The following CEP85L variants were observed in gnomAD, a reference collection of about 807,000 sequenced individuals.
CEP85L encodes centrosomal protein of 85 kDa-like.
Under a neutral mutation model 100.3 loss-of-function variants are expected in CEP85L, and 60 were observed. That is an observed-to-expected ratio of 0.60 (90% CI 0.49 to 0.74). The LOEUF is 0.74. Among genes scored for constraint, CEP85L ranks in the 30% least tolerant of loss-of-function variants. CEP85L has a pLI of 0.00. For synonymous variants in CEP85L, 319 were observed against 322.7 expected (o/e 0.99, Z 0.12); for missense variants, 973 against 936.2 (o/e 1.04, Z -0.51).
At chr6:118,613,126 C>T (rs1313661115) in intron 2 of CEP85L, among the ~76,000 whole-genome samples, 2 of 151,996 alleles carry the variant, frequency 1.3e-5, no homozygotes, top group African/African-American at 4.8e-5. Context: ...GCAAGAGAAT[C>T]GCTTAACCCG....
intron 5 of CEP85L, among the ~76,000 whole-genome samples, chr6:118,505,455 CTACTATAATACAAATA>C (rs1775594143): frequency 7.7e-6 from 1 of 130,676 alleles, no homozygotes; most frequent in Admixed American, 7.5e-5. Flanking sequence ...ACAGATGCTT[CTACTATAATACAAATA>C]TATGCATTCC....
intron 2 of CEP85L, among the ~76,000 whole-genome samples, chr6:118,623,343 T>C (rs1773575709): frequency 6.6e-6 from 1 of 152,312 alleles, no homozygotes; most frequent in Admixed American, 6.5e-5. Context: ...TTGATACCTT[T>C]ACAAAGTGGG....
chr6:118,549,119 T>G (rs1470169978), intron 3 of CEP85L, among the ~76,000 whole-genome samples: 2 of 151,954 alleles, frequency 1.3e-5, no homozygotes, highest in Non-Finnish European at 2.9e-5. Context: ...AATCTGACGT[T>G]AGAGAATAAT....
chr6:118,588,520 AAAATCTACAGGTACTTAAAGATC>A (rs1221483340), intron 2 of CEP85L, among the ~76,000 whole-genome samples: 6 of 152,198 alleles, frequency 3.9e-5, no homozygotes, highest in Non-Finnish European at 8.8e-5. Context: ...TAGATTAAGG[AAAATCTACAGGTACTTAAAGATC>A]AAATCAAAAT....
chr6:118,519,739 C>G (rs747105763), intron 4 of CEP85L, among the ~76,000 whole-genome samples: 1 of 151,916 alleles, frequency 6.6e-6, no homozygotes, highest in Non-Finnish European at 1.5e-5. Flanking sequence ...GGAGTCTTCA[C>G]TGAAGAATTC....
At chr6:118,618,467 C>T (rs1013606112) in intron 2 of CEP85L, among the ~76,000 whole-genome samples, 1 of 152,160 alleles carries the variant, frequency 6.6e-6, no homozygotes, top group Non-Finnish European at 1.5e-5. Context: ...CTGTAATTTT[C>T]ATGTGGATGG....
At chr6:118,667,304 G>C (rs1381611033) in intron 1 of CEP85L, among the ~76,000 whole-genome samples, 21 of 152,130 alleles carry the variant, frequency 1.4e-4, no homozygotes, top group Non-Finnish European at 2.2e-4. Context: ...TATAGAACTT[G>C]CTTTGATTTT....
At chr6:118,618,036 G>A (rs116358628) in intron 2 of CEP85L, among the ~76,000 whole-genome samples, 2 of 152,120 alleles carry the variant, frequency 1.3e-5, no homozygotes, top group Non-Finnish European at 2.9e-5. Context: ...TGGGAGCACT[G>A]GTTTGCCCGG....
chr6:118,599,075 C>T (rs2115162809), intron 2 of CEP85L, among the ~76,000 whole-genome samples: 1 of 152,276 alleles, frequency 6.6e-6, no homozygotes, highest in South Asian at 2.1e-4. Flanking sequence ...TACATACCTG[C>T]ATAACCTAGC....
At chr6:118,502,890 T>C (rs1339842645) in intron 5 of CEP85L, 10 of 528,374 alleles carry the variant, frequency 1.9e-5, no homozygotes, top group East Asian at 3.5e-5. Context: ...ACAGAAGATC[T>C]TGAAGAACCT....
chr6:118,604,688 G>A (rs556120126), intron 2 of CEP85L, among the ~76,000 whole-genome samples: 1 of 152,264 alleles, frequency 6.6e-6, no homozygotes, highest in Non-Finnish European at 1.5e-5. Flanking sequence ...AGCATAGCTA[G>A]GGGGCATGGC....
At chr6:118,528,856 C>G (rs1777123162) in intron 3 of CEP85L, among the ~76,000 whole-genome samples, 1 of 152,104 alleles carries the variant, frequency 6.6e-6, no homozygotes, top group African/African-American at 2.4e-5. Flanking sequence ...TCTCAAACAG[C>G]AAGGCAACTA....
Position 118,540,164 on chromosome 6 carries a change from A to G in CEP85L, c.1021-16244T>C, listed in dbSNP as rs533038666. 2.6e-5 allele frequency among the ~76,000 whole-genome samples: 4 copies of G among 152,160 alleles called. No individual in the cohort carries two copies. In the South Asian group the frequency reaches 8.3e-4, roughly 32 times the overall value. On this transcript the variant is annotated intron_variant, in intron 3 of 12. Coordinates refer to ENST00000368491, the MANE Select transcript of CEP85L (RefSeq NM_001042475.3). ...ACCCTAGGGATATTTATCAGCCTTG[A>G]AAAAAATCCAAAAGTATTTCCAACA...
chr6:118,478,662 A>G (rs972213723), intron 10 of CEP85L, among the ~76,000 whole-genome samples: 3 of 152,184 alleles, frequency 2.0e-5, no homozygotes, highest in African/African-American at 7.2e-5. Context: ...TTCTCTACAT[A>G]GTTTGAATAA....
intron 2 of CEP85L, among the ~76,000 whole-genome samples, chr6:118,628,230 G>C (rs1033566121): frequency 4.6e-5 from 7 of 152,092 alleles, no homozygotes; most frequent in Non-Finnish European, 8.8e-5. Context: ...ACTCAAACAC[G>C]GCAGGGATAT....
intron 2 of CEP85L, among the ~76,000 whole-genome samples, chr6:118,583,191 G>A (rs1460530765): frequency 1.3e-5 from 2 of 152,140 alleles, no homozygotes; most frequent in South Asian, 2.1e-4. Flanking sequence ...CAGGACTGAC[G>A]GGTCCCGAGG....
chr6:118,501,508 C>G, intron 5 of CEP85L: 1 of 472,552 alleles, frequency 2.1e-6, no homozygotes, highest in South Asian at 1.6e-5. Flanking sequence ...TTGCTCCTGG[C>G]TACTCCATCA....
intron 5 of CEP85L, chr6:118,501,824 GA>G: frequency 3.1e-6 from 4 of 1,290,426 alleles, no homozygotes; most frequent in Non-Finnish European, 4.5e-6. Flanking sequence ...GAGAGAGAGA[GA>G]GAGAGAGGAC....
At chr6:118,501,565 G>C (rs1775304503) in intron 5 of CEP85L, 1 of 524,534 alleles carries the variant, frequency 1.9e-6, no homozygotes, top group African/African-American at 1.9e-5. Context: ...AAGAGATCAA[G>C]AACAGTGAAG....
Sources: allele counts gnomAD v4.1 joint callset (sites outside exome capture counted in the v4.1 genomes callset), GRCh38; gene constraint gnomAD v4.1.1; transcripts MANE v1.5; gene names NCBI Gene and HGNC (gene_info 2026-07-23, HGNC 2026-07-21).